Variants in PTPRZ1 observed in about 807,000 individuals in gnomAD.
PTPRZ1 encodes the protein receptor-type tyrosine-protein phosphatase zeta.
A neutral mutation model predicts 214.1 loss-of-function variants in PTPRZ1; 82 were observed. The ratio of observed to expected loss-of-function variants is 0.38; its 90% CI spans 0.32 to 0.46. The LOEUF (loss-of-function observed/expected upper bound fraction) is 0.46, where lower values mean the gene tolerates loss of function less well. PTPRZ1 is among the 20% of genes least tolerant of loss of function. The pLI is 1.00. For synonymous variants in PTPRZ1, 945 were observed against 987.9 expected (o/e 0.96, Z 0.81); for missense variants, 2,603 against 2,748.7 (o/e 0.95, Z 1.19).
chr7:122,036,558 G>A, intron 17 of PTPRZ1, 42 bp from the exon 18 acceptor site: 1 of 1,255,336 alleles, frequency 8.0e-7, no homozygotes, highest in Non-Finnish European at 1.1e-6. Context: ...GTGCTGAAAA[G>A]TAGTCTGTGC....
intron 23 of PTPRZ1, among the ~76,000 whole-genome samples, chr7:122,048,275 G>A (rs1026608970): frequency 3.8e-4 from 57 of 151,956 alleles, no homozygotes; most frequent in African/African-American, 1.3e-3. Context: ...CCTAATGCAG[G>A]TTCTATCAAA....
chr7:121,973,616 G>A (rs1797325035), intron 4 of PTPRZ1, among the ~76,000 whole-genome samples: 3 of 152,086 alleles, frequency 2.0e-5, no homozygotes, highest in South Asian at 2.1e-4. Context: ...GAAATTAAAT[G>A]AGGGATTGAC....
intron 1 of PTPRZ1, among the ~76,000 whole-genome samples, chr7:121,885,864 G>A (rs1265608594): frequency 6.6e-6 from 1 of 152,166 alleles, no homozygotes; most frequent in Non-Finnish European, 1.5e-5. Flanking sequence ...AAGAGTCTAA[G>A]TTGTATTAGA....
intron 2 of PTPRZ1, among the ~76,000 whole-genome samples, chr7:121,960,761 A>G (rs1177059730): frequency 6.6e-6 from 1 of 152,092 alleles, no homozygotes; most frequent in Admixed American, 6.5e-5. Context: ...TTTTTCTGAC[A>G]CATTTCCCCT....
intron 18 of PTPRZ1, among the ~76,000 whole-genome samples, chr7:122,037,999 G>C (rs1031495080): frequency 1.3e-5 from 2 of 152,134 alleles, no homozygotes; most frequent in Non-Finnish European, 2.9e-5. Context: ...TTACAGTCAT[G>C]GTGAAAGGCA....
At chr7:122,016,678 G>T (rs1225957062) in intron 12 of PTPRZ1, among the ~76,000 whole-genome samples, 1 of 151,304 alleles carries the variant, frequency 6.6e-6, no homozygotes, top group Non-Finnish European at 1.5e-5. Context: ...CATATATAAT[G>T]CATTATATAT....
At chr7:122,006,189 T>A (rs1798481367) in intron 11 of PTPRZ1, among the ~76,000 whole-genome samples, 1 of 152,144 alleles carries the variant, frequency 6.6e-6, no homozygotes, top group Non-Finnish European at 1.5e-5. Flanking sequence ...TATATAGTGA[T>A]CAAATCAGAG....
At chr7:122,016,865 T>C (rs557778203) in intron 12 of PTPRZ1, among the ~76,000 whole-genome samples, 1 of 152,176 alleles carries the variant, frequency 6.6e-6, no homozygotes, top group African/African-American at 2.4e-5. Context: ...TTAATCTACA[T>C]CACTGGTTCT....
chr7:122,041,117 A>T (rs866200295), intron 21 of PTPRZ1, 138 bp downstream of exon 21: 4 of 746,532 alleles, frequency 5.4e-6, no homozygotes, highest in Middle Eastern at 7.8e-4. Flanking sequence ...CATTTTCATA[A>T]GTATTGATCA....
rs774492434 is a variant in PTPRZ1 at position 122,019,096 on chromosome 7, C to T, written c.4844-28C>T. ...GTGACTTTTCCTTCACCTTAAATAT[C>T]AATTCTCTCAATTTTCTCTGACTAC... is the stretch of plus-strand genomic sequence containing the variant. On this transcript the variant is annotated intron_variant, in intron 12 of 29. Transcript: ENST00000393386. 7 of 1,570,982 alleles carry T rather than the reference C, an allele frequency of 4.5e-6. No individual in the cohort carries two copies. In the South Asian group the frequency reaches 4.6e-5, roughly 10 times the overall value.
intron 1 of PTPRZ1, among the ~76,000 whole-genome samples, chr7:121,885,882 G>A (rs1337225974): frequency 6.6e-6 from 1 of 152,082 alleles, no homozygotes; most frequent in Non-Finnish European, 1.5e-5. Context: ...AGACTTGATG[G>A]CATTCAGGCA....
rs1316844885 is a variant in PTPRZ1 at position 122,012,562 on chromosome 7, C to T, written c.3516C>T (p.Thr1172=). ...CAACTCAGCTCTTATTTTATGAGAC[C>T]TCAGCTTCTTTTAGTACTGAAGTAT... ...SPSTQLLFYE[T]SASFSTEVLL... The change falls in exon 12 of 30, where the codon ACC becomes ACT. Residue 1172 remains threonine, a synonymous_variant. Transcript: ENST00000393386. The T allele has an allele frequency of 1.2e-6, 2 of 1,613,756 alleles. No individual in the cohort carries two copies. Among genetic ancestry groups the T allele is most frequent in the South Asian group, 1.1e-5 (1 of 91,080 alleles).
chr7:121,919,845 G>A (rs1188710514), intron 1 of PTPRZ1, among the ~76,000 whole-genome samples: 6 of 109,002 alleles, frequency 5.5e-5, no homozygotes, highest in Non-Finnish European at 1.1e-4. Flanking sequence ...GATTAACCAA[G>A]CCTTTATTAA....
At chr7:121,934,810 T>A (rs552462097) in intron 2 of PTPRZ1, among the ~76,000 whole-genome samples, 1 of 152,300 alleles carries the variant, frequency 6.6e-6, no homozygotes, top group South Asian at 2.1e-4. Flanking sequence ...AGCTAAGATT[T>A]ATATTCTGGT....
chr7:121,975,878 T>C (rs1455039559), intron 4 of PTPRZ1, among the ~76,000 whole-genome samples: 1 of 152,182 alleles, frequency 6.6e-6, no homozygotes, highest in Non-Finnish European at 1.5e-5. Flanking sequence ...GACAGAAAAT[T>C]ATATTTAAAA....
At chr7:121,972,931 T>TAATGAATG (rs71172157) in intron 4 of PTPRZ1, among the ~76,000 whole-genome samples, 1 of 151,450 alleles carries the variant, frequency 6.6e-6, no homozygotes, top group South Asian at 2.1e-4. Flanking sequence ...GCTGATGAAT[T>TAATGAATG]AATGAAGGAA....
At chr7:122,046,111 C>A (rs1791971082) in intron 23 of PTPRZ1, among the ~76,000 whole-genome samples, 1 of 152,136 alleles carries the variant, frequency 6.6e-6, no homozygotes, top group South Asian at 2.1e-4. Flanking sequence ...TCTTATGGTG[C>A]CTGCAGTCTA....
At chr7:121,908,668 T>G in intron 1 of PTPRZ1, 1 of 459,046 alleles carries the variant, frequency 2.2e-6, no homozygotes, top group South Asian at 1.6e-5. Flanking sequence ...AATTAAAAAC[T>G]TGAATAAATT....
chr7:122,046,589 G>C (rs1791991016), intron 23 of PTPRZ1, among the ~76,000 whole-genome samples: 1 of 152,112 alleles, frequency 6.6e-6, no homozygotes, highest in Admixed American at 6.6e-5. Flanking sequence ...ATTGCAGAGA[G>C]AGAGGAGAGA....
Sources: allele counts gnomAD v4.1 joint callset (sites outside exome capture counted in the v4.1 genomes callset), GRCh38; gene constraint gnomAD v4.1.1; transcripts MANE v1.5; gene names NCBI Gene and HGNC (gene_info 2026-07-23, HGNC 2026-07-21).